Variants in NCAM2 observed in about 807,000 individuals in gnomAD.
NCAM2 encodes the protein neural cell adhesion molecule 2.
NCAM2 carries 30 observed loss-of-function variants against 98.1 expected under a neutral mutation model. The observed-to-expected ratio is 0.31, with a 90% CI of 0.23 to 0.41. NCAM2 has a LOEUF of 0.41. Among genes scored for constraint, NCAM2 ranks in the 10% least tolerant of loss-of-function variants. The pLI is 1.00. For missense variants in NCAM2, 867 were observed against 1,005.8 expected, an observed-to-expected ratio of 0.86 and a Z score of 1.87; for synonymous variants, 368 against 342.4, an observed-to-expected ratio of 1.07 and a Z score of -0.83.
At chr21:21,269,975 G>T (rs554692252) in intron 1 of NCAM2, among the ~76,000 whole-genome samples, 11 of 152,234 alleles carry the variant, frequency 7.2e-5, no homozygotes, top group Admixed American at 6.5e-5. Flanking sequence ...TCTACACAAG[G>T]TTTATGCTAA....
Position 21,284,324 on chromosome 21 carries a change from T to C in NCAM2, c.261T>C (p.Asp87=). The change falls in exon 3 of 18, where the codon GAT becomes GAC. Residue 87 remains aspartate, a synonymous_variant. Transcript: ENST00000400546. ...RLTIYNANIE[D]AGIYRCQATD... ...CCATCTACAATGCAAATATAGAAGA[T>C]GCAGGGATATATCGTTGTCAAGCAA... 5.6e-6 allele frequency: 9 copies of C among 1,612,802 alleles called. No homozygotes were observed. Among genetic ancestry groups the C allele is most frequent in the African/African-American group, 4.0e-5 (3 of 74,950 alleles).
intron 1 of NCAM2, among the ~76,000 whole-genome samples, chr21:21,000,030 T>C (rs902052883): frequency 6.6e-6 from 1 of 152,196 alleles, no homozygotes; most frequent in Non-Finnish European, 1.5e-5. Context: ...CTTCCTAACA[T>C]AGAGTATGAA....
chr21:21,481,804 T>TA (rs1985911194), intron 15 of NCAM2, among the ~76,000 whole-genome samples: 1 of 152,164 alleles, frequency 6.6e-6, no homozygotes, highest in Non-Finnish European at 1.5e-5. Flanking sequence ...ATTTTATTTG[T>TA]AAAAATGTCA....
chr21:21,181,378 A>G (rs1009751748), intron 1 of NCAM2, among the ~76,000 whole-genome samples: 7 of 152,094 alleles, frequency 4.6e-5, no homozygotes, highest in Non-Finnish European at 7.4e-5. Flanking sequence ...ACAACTGAAA[A>G]CCTATTTGGT....
At chr21:21,278,111 A>T (rs983871328) in intron 1 of NCAM2, among the ~76,000 whole-genome samples, 4 of 152,162 alleles carry the variant, frequency 2.6e-5, no homozygotes, top group African/African-American at 9.6e-5. Context: ...ATCTTAAAGA[A>T]GAAAGTAAAG....
chr21:21,517,520 A>G (rs569765013), intron 16 of NCAM2, among the ~76,000 whole-genome samples: 270 of 152,266 alleles, frequency 1.8e-3, no homozygotes, highest in African/African-American at 6.2e-3. Flanking sequence ...TTCAAAACCT[A>G]ACTCAAAAGT....
intron 8 of NCAM2, among the ~76,000 whole-genome samples, chr21:21,353,742 A>G (rs1281256996): frequency 6.6e-6 from 1 of 152,090 alleles, no homozygotes; most frequent in Non-Finnish European, 1.5e-5. Flanking sequence ...TCTTTGGGCC[A>G]TTATACACCT....
At chr21:21,114,496 C>T (rs1047617663) in intron 1 of NCAM2, among the ~76,000 whole-genome samples, 2 of 152,098 alleles carry the variant, frequency 1.3e-5, no homozygotes, top group African/African-American at 2.4e-5. Context: ...TTACAAGGGT[C>T]GGTGTTAATG....
At chr21:21,349,048 CCA>C (rs1461184009) in intron 8 of NCAM2, among the ~76,000 whole-genome samples, 2 of 152,056 alleles carry the variant, frequency 1.3e-5, no homozygotes, top group African/African-American at 4.8e-5. Context: ...GAGCAATACC[CCA>C]CAAGCACAGG....
intron 16 of NCAM2, among the ~76,000 whole-genome samples, chr21:21,527,706 A>C (rs1989404127): frequency 6.6e-6 from 1 of 152,174 alleles, no homozygotes; most frequent in East Asian, 1.9e-4. Context: ...GACAACACCA[A>C]ATGGTAGATG....
At chr21:21,265,520 TACAC>T (rs200543452) in intron 1 of NCAM2, among the ~76,000 whole-genome samples, 1,577 of 78,210 alleles carry the variant, frequency 0.02, 56 homozygotes, top group Admixed American at 0.096. Flanking sequence ...TATATACACA[TACAC>T]ACATATGTGT....
At chr21:21,421,175 T>A (rs2077103048) in intron 11 of NCAM2, among the ~76,000 whole-genome samples, 1 of 152,016 alleles carries the variant, frequency 6.6e-6, no homozygotes, top group Non-Finnish European at 1.5e-5. Context: ...AACATTATGT[T>A]GATTAGGTTT....
intron 13 of NCAM2, 56 bp from the exon 14 acceptor site, chr21:21,468,606 T>G: frequency 6.6e-7 from 1 of 1,509,206 alleles, no homozygotes; most frequent in Non-Finnish European, 9.0e-7. Flanking sequence ...TAAAATATAG[T>G]TTATCTAGGT....
At chr21:21,270,055 G>A (rs764710901) in intron 1 of NCAM2, among the ~76,000 whole-genome samples, 31 of 152,116 alleles carry the variant, frequency 2.0e-4, no homozygotes, top group Non-Finnish European at 3.5e-4. Flanking sequence ...GGAGACTTAG[G>A]TATTAGGCAC....
Position 21,484,553 on chromosome 21 carries a change from G to A in NCAM2, c.2077+7082G>A, listed in dbSNP as rs138655249. Among the ~76,000 whole-genome samples the A allele has an allele frequency of 5.3e-5, 8 of 152,040 alleles. No individual in the cohort carries two copies. In the East Asian group the frequency reaches 7.7e-4, roughly 15 times the overall value. On this transcript the variant is annotated intron_variant, in intron 15 of 17. Coordinates refer to ENST00000400546, the MANE Select transcript of NCAM2 (RefSeq NM_004540.5). ...CATTATAGCCATAAGTTTGTCTTGC[G>A]TGTTTTAATGTCATTGTTATATCAT...
At chr21:21,029,499 G>T (rs1486485845) in intron 1 of NCAM2, among the ~76,000 whole-genome samples, 1 of 151,928 alleles carries the variant, frequency 6.6e-6, no homozygotes, top group Non-Finnish European at 1.5e-5. Flanking sequence ...AGGAGCAGGA[G>T]AACTTAGGAC....
chr21:21,247,324 A>G (rs1360796638), intron 1 of NCAM2, among the ~76,000 whole-genome samples: 3 of 152,174 alleles, frequency 2.0e-5, no homozygotes, highest in Non-Finnish European at 4.4e-5. Context: ...GTCTCAAACA[A>G]CAACAACAAC....
intron 1 of NCAM2, among the ~76,000 whole-genome samples, chr21:21,199,406 C>T (rs963957254): frequency 6.6e-6 from 1 of 152,256 alleles, no homozygotes; most frequent in African/African-American, 2.4e-5. Context: ...ACTTGTGTGG[C>T]TCAGACCTGG....
intron 1 of NCAM2, among the ~76,000 whole-genome samples, chr21:21,098,585 G>A (rs1569021017): frequency 6.6e-6 from 1 of 151,670 alleles, no homozygotes; most frequent in Non-Finnish European, 1.5e-5. Context: ...TTCTCTATTA[G>A]GGAGGTATTA....
Sources: allele counts gnomAD v4.1 joint callset (sites outside exome capture counted in the v4.1 genomes callset), GRCh38; gene constraint gnomAD v4.1.1; transcripts MANE v1.5; gene names NCBI Gene and HGNC (gene_info 2026-07-23, HGNC 2026-07-21).